Variants in FOXP2 observed in about 807,000 individuals in gnomAD.
FOXP2 encodes forkhead box protein P2.
In FOXP2, 12 loss-of-function variants were observed where a neutral mutation model predicts 115.8. That is an observed-to-expected ratio of 0.10 (90% CI 0.07 to 0.17). FOXP2 has a LOEUF of 0.17. Among genes scored for constraint, FOXP2 ranks in the 10% least tolerant of loss-of-function variants. The pLI is 1.00. For missense variants in FOXP2, 629 were observed against 843.5 expected, an observed-to-expected ratio of 0.75 and a Z score of 3.15; for synonymous variants, 328 against 297.7, an observed-to-expected ratio of 1.10 and a Z score of -1.05.
At chr7:114,386,258 T>A (rs1005057740) in intron 2 of FOXP2, among the ~76,000 whole-genome samples, 1 of 151,894 alleles carries the variant, frequency 6.6e-6, no homozygotes, top group African/African-American at 2.4e-5. Flanking sequence ...TAGAGTGAAA[T>A]AGAGTGAAAA....
chr7:114,150,242 G>A (rs1451585868), intron 1 of FOXP2, among the ~76,000 whole-genome samples: 1 of 151,954 alleles, frequency 6.6e-6, no homozygotes, highest in Non-Finnish European at 1.5e-5. Context: ...ACAAAAGCAG[G>A]GTGGGGCCTG....
chr7:114,642,596 C>T lies in FOXP2; in HGVS notation c.962C>T (p.Ser321Phe), dbSNP rs944127085. 6.2e-7 allele frequency: 1 copy of T among 1,613,652 alleles called. No individual in the cohort carries two copies. Among genetic ancestry groups the T allele is most frequent in the Non-Finnish European group, 8.5e-7 (1 of 1,179,870 alleles). Reference protein sequence around the residue: ...ITHHSIVNGQSSVLSARRDSS... With the variant: ...ITHHSIVNGQFSVLSARRDSS... ...CATCATTCCATAGTGAATGGACAGT[C>T]TTCAGTTCTAAGTGCAAGACGAGAC... The change falls in exon 7 of 17, where the codon TCT becomes TTT. Residue 321 changes from serine to phenylalanine, a missense_variant. Transcript: ENST00000350908.
intron 2 of FOXP2, among the ~76,000 whole-genome samples, chr7:114,450,561 TC>T (rs1316156554): frequency 2.0e-5 from 3 of 152,012 alleles, no homozygotes; most frequent in Admixed American, 1.3e-4. Flanking sequence ...GTGTCAGGGG[TC>T]TTTTGTGATG....
At chr7:114,289,686 A>C (rs1181480734) in intron 2 of FOXP2, among the ~76,000 whole-genome samples, 10 of 151,920 alleles carry the variant, frequency 6.6e-5, no homozygotes, top group Non-Finnish European at 1.3e-4. Flanking sequence ...ATATAATTGC[A>C]CTTGAAGTTA....
At chr7:114,117,202 A>T (rs1372970369) in intron 1 of FOXP2, among the ~76,000 whole-genome samples, 2 of 151,306 alleles carry the variant, frequency 1.3e-5, no homozygotes, top group East Asian at 3.9e-4. Flanking sequence ...TATTTAGAAT[A>T]TATATTATAT....
At chr7:114,090,456 A>T (rs568728196) in intron 1 of FOXP2, among the ~76,000 whole-genome samples, 35 of 151,988 alleles carry the variant, frequency 2.3e-4, no homozygotes, top group Admixed American at 1.4e-3. Context: ...GTATCTTAAA[A>T]TTGGCCTAAT....
At chr7:114,176,234 T>TCTTG (rs1562992738) in intron 1 of FOXP2, among the ~76,000 whole-genome samples, 21 of 149,646 alleles carry the variant, frequency 1.4e-4, no homozygotes, top group South Asian at 6.3e-4. Context: ...GTCTTGTCTT[T>TCTTG]TCTTTCTTTC....
At chr7:114,507,392 G>A (rs1797871830) in intron 2 of FOXP2, among the ~76,000 whole-genome samples, 1 of 151,852 alleles carries the variant, frequency 6.6e-6, no homozygotes, top group Non-Finnish European at 1.5e-5. Flanking sequence ...TTTCCAGGAT[G>A]CAATTTCACT....
intron 1 of FOXP2, among the ~76,000 whole-genome samples, chr7:114,201,068 A>T (rs531748990): frequency 5.1e-4 from 77 of 152,264 alleles, no homozygotes; most frequent in Non-Finnish European, 7.8e-4. Context: ...AGGCAGGAGA[A>T]TCTCTTGAAT....
At chr7:114,231,352 A>G (rs1019714699) in intron 1 of FOXP2, among the ~76,000 whole-genome samples, 11 of 152,190 alleles carry the variant, frequency 7.2e-5, no homozygotes, top group Admixed American at 2.0e-4. Context: ...TGCATTTGTT[A>G]CAGATATAGA....
At chr7:114,129,660 T>C (rs1363099221) in intron 1 of FOXP2, among the ~76,000 whole-genome samples, 2 of 152,222 alleles carry the variant, frequency 1.3e-5, no homozygotes, top group East Asian at 1.9e-4. Flanking sequence ...GAAGCTTATA[T>C]TCGTGTACTC....
chr7:114,145,613 G>A (rs936156051), intron 1 of FOXP2, among the ~76,000 whole-genome samples: 4 of 151,502 alleles, frequency 2.6e-5, no homozygotes, highest in African/African-American at 9.7e-5. Context: ...TCAGCCTCCC[G>A]AGTAGCTGGG....
intron 2 of FOXP2, among the ~76,000 whole-genome samples, chr7:114,518,786 A>G (rs933557389): frequency 2.0e-5 from 3 of 152,126 alleles, no homozygotes; most frequent in Non-Finnish European, 2.9e-5. Flanking sequence ...GATTATGGGC[A>G]TGAGCCACCA....
At chr7:114,253,864 C>A (rs147375386) in intron 1 of FOXP2, among the ~76,000 whole-genome samples, 7 of 152,102 alleles carry the variant, frequency 4.6e-5, no homozygotes, top group African/African-American at 1.4e-4. Context: ...TTGCTCGTTA[C>A]TTGATGCAGT....
intron 4 of FOXP2, 22 bp downstream of exon 4, chr7:114,628,699 G>C (rs774274830): frequency 1.2e-5 from 20 of 1,613,640 alleles, no homozygotes; most frequent in Non-Finnish European, 1.7e-6. Flanking sequence ...TACCTGCTTT[G>C]GTGTTCTAGC....
intron 2 of FOXP2, among the ~76,000 whole-genome samples, chr7:114,290,461 G>T (rs1158807924): frequency 6.6e-6 from 1 of 151,892 alleles, no homozygotes; most frequent in African/African-American, 2.4e-5. Context: ...TAATTCAGTA[G>T]AAATAATTTT....
intron 2 of FOXP2, among the ~76,000 whole-genome samples, chr7:114,473,628 C>T (rs186036650): frequency 6.6e-6 from 1 of 152,124 alleles, no homozygotes; most frequent in African/African-American, 2.4e-5. Context: ...CCTTCTAAAT[C>T]GTTTGGCAAA....
chr7:114,639,421 T>A (rs1175647918), intron 6 of FOXP2, among the ~76,000 whole-genome samples: 1 of 152,096 alleles, frequency 6.6e-6, no homozygotes, highest in Non-Finnish European at 1.5e-5. Context: ...AACAAGAAAT[T>A]CCTACTCTTA....
chr7:114,306,952 C>T (rs576987528), intron 2 of FOXP2, among the ~76,000 whole-genome samples: 1 of 152,200 alleles, frequency 6.6e-6, no homozygotes, highest in South Asian at 2.1e-4. Context: ...TACAGTGGGT[C>T]CACTGGCTAA....
Sources: allele counts gnomAD v4.1 joint callset (sites outside exome capture counted in the v4.1 genomes callset), GRCh38; gene constraint gnomAD v4.1.1; transcripts MANE v1.5; gene names NCBI Gene and HGNC (gene_info 2026-07-23, HGNC 2026-07-21).